Variants in NPAT observed in about 807,000 individuals in gnomAD.
The protein encoded by NPAT is protein NPAT.
Under a neutral mutation model 130.7 loss-of-function variants are expected in NPAT, and 52 were observed. The ratio of observed to expected loss-of-function variants is 0.40; its 90% confidence interval spans 0.32 to 0.50. NPAT has a LOEUF of 0.50. Among genes scored for constraint, NPAT ranks in the 20% least tolerant of loss-of-function variants. The pLI is 0.68. For missense variants in NPAT, 1,687 were observed against 1,662.6 expected, an observed-to-expected ratio of 1.01 and a Z score of -0.26; for synonymous variants, 580 against 584.8, an observed-to-expected ratio of 0.99 and a Z score of 0.12.
chr11:108,189,051 T>C (rs764181720), intron 6 of NPAT, 55 bp downstream of exon 6: 10 of 1,350,604 alleles, frequency 7.4e-6, no homozygotes, highest in Non-Finnish European at 1.1e-5. Context: ...GTATATTATC[T>C]CATTCATACA....
intron 7 of NPAT, 133 bp downstream of exon 7, chr11:108,187,965 T>C (rs751544122): frequency 5.7e-6 from 4 of 702,576 alleles, no homozygotes; most frequent in Non-Finnish European, 1.0e-5. Context: ...CAATGTATTT[T>C]GGAATAGTTC....
rs570378465 is a variant in NPAT, at chr11:108,219,289, G to T, written c.37+3211C>A. 3.4e-4 allele frequency among the ~76,000 whole-genome samples: 52 copies of T among 152,150 alleles called. No homozygotes were observed. In the South Asian group the frequency reaches 9.6e-3, roughly 28 times the overall value. ...CTCCCTCATCAGACAAGTCTTCCAC[G>T]TTCCGCAGTCAAACCAGCCTCTTGA... On this transcript the variant is annotated intron_variant, in intron 1 of 17. Transcript: ENST00000278612.
intron 10 of NPAT, 113 bp downstream of exon 10, chr11:108,185,119 T>C: frequency 1.3e-6 from 1 of 759,842 alleles, no homozygotes; most frequent in Non-Finnish European, 2.3e-6. Context: ...TCTAATTAGA[T>C]GGCAAATCAT....
rs199937285 is a variant in NPAT, at chr11:108,172,722, A to G, written c.2262T>C (p.Thr754=). The change falls in exon 13 of 18, where the codon ACT becomes ACC. Residue 754 remains threonine (T), a synonymous_variant. Transcript: ENST00000278612. ...TACTAGAAACAGCACTGGTAAGTTC[A>G]GTATCTGAGGAAACAAATGGATCAT... ...ISDDPFVSSD[T]ELTSAVSSIN... 1 of 1,613,644 alleles carries G rather than the reference A, an allele frequency of 6.2e-7. No individual in the cohort carries two copies. Among genetic ancestry groups the G allele is most frequent in the Non-Finnish European group, 8.5e-7 (1 of 1,180,034 alleles).
intron 15 of NPAT, among the ~76,000 whole-genome samples, chr11:108,164,723 G>A (rs1199205006): frequency 6.6e-6 from 1 of 151,990 alleles, no homozygotes; most frequent in Non-Finnish European, 1.5e-5. Flanking sequence ...GTAGTGGAAA[G>A]GATCTAGGCC....
rs1461534262 is a variant in NPAT at position 108,158,879 on chromosome 11, C to T, written c.*63G>A. ...TTTCAGATTCTGTCAATATCCCATT[C>T]CCTACACTCAGTTTAAGGGATATGA... is the stretch of plus-strand genomic sequence containing the variant. On this transcript the variant is annotated 3_prime_UTR_variant, in exon 18 of 18. Transcript: ENST00000278612. 2 of 932,916 alleles carry T rather than the reference C, an allele frequency of 2.1e-6. No individual in the cohort carries two copies. Among genetic ancestry groups the T allele is most frequent in the Non-Finnish European group, 3.5e-6 (2 of 568,344 alleles). The allele number at this position is 932,916 out of a possible 1,614,324, so 57.8% of individuals were successfully genotyped here. A position where few individuals can be genotyped will look rare whatever the true frequency, so the allele number is the denominator to read the frequency against.
chr11:108,208,746 GAAC>G (rs961358238), intron 1 of NPAT, among the ~76,000 whole-genome samples: 6 of 152,062 alleles, frequency 3.9e-5, no homozygotes, highest in Non-Finnish European at 8.8e-5. Flanking sequence ...GTAATACATA[GAAC>G]AACTAGGCAG....
rs778112784 is a variant in NPAT, at chr11:108,169,753, G to C, written c.3001C>G (p.Pro1001Ala). ...SQKAQGLRNK[P>A]CIGKQVNNLV... Reference sequence around the variant, plus strand: ...AAATTAAAAATGGTACCTATACAAGGCTTGTTTCTTAGTCCCTGAGCCTTC... The same window carrying C: ...AAATTAAAAATGGTACCTATACAAGCCTTGTTTCTTAGTCCCTGAGCCTTC... Residue 1001 changes from proline to alanine, a missense_variant, in exon 15 of 18, where the codon CCT becomes GCT. This residue lies in a region of NPAT where 1,379 missense variants were observed against 1,346.6 expected (regional missense o/e 1.02). Transcript: ENST00000278612. The C allele has an allele frequency of 1.2e-6, 2 of 1,605,110 alleles. No homozygotes were observed. The highest frequency in any genetic ancestry group is 2.7e-5 in the African/African-American group (2 of 74,760).
intron 1 of NPAT, among the ~76,000 whole-genome samples, chr11:108,214,992 C>T (rs1213317222): frequency 1.3e-5 from 2 of 152,122 alleles, no homozygotes; most frequent in East Asian, 3.9e-4. Flanking sequence ...CCCTAATTTC[C>T]TCTTCAGCCT....
intron 11 of NPAT, 134 bp downstream of exon 11, chr11:108,176,860 T>A: frequency 1.5e-6 from 1 of 656,118 alleles, no homozygotes; most frequent in Non-Finnish European, 2.7e-6. Flanking sequence ...CTTTAACATA[T>A]CCATATAATG....
chr11:108,168,392 A>G (rs1222573041), intron 15 of NPAT, among the ~76,000 whole-genome samples: 2 of 152,216 alleles, frequency 1.3e-5, no homozygotes. Flanking sequence ...GAAAGAACAT[A>G]AAAATAATAT....
chr11:108,174,484 C>G (rs1312035974), intron 12 of NPAT, among the ~76,000 whole-genome samples: 1 of 138,620 alleles, frequency 7.2e-6, no homozygotes, highest in Non-Finnish European at 1.5e-5. Flanking sequence ...CATAAGAAAG[C>G]ATGGTAAAAA....
At position 108,172,685 on chromosome 11, in the gene NPAT, T is replaced by A; in HGVS notation, c.2299A>T (p.Asn767Tyr). The A allele has an allele frequency of 1.2e-6, 2 of 1,613,920 alleles. No homozygotes were observed. Among genetic ancestry groups the A allele is most frequent in the Non-Finnish European group, 1.7e-6 (2 of 1,180,008 alleles). The change falls in exon 13 of 18, where the codon AAC becomes TAC. Residue 767 changes from asparagine to tyrosine, a missense_variant. Around this residue, in one of 3 missense-constraint regions of NPAT, gnomAD observed 1,379 missense variants for 1,346.6 expected, o/e 1.02. Coordinates refer to ENST00000278612, the MANE Select transcript of NPAT (RefSeq NM_002519.3). ...TSAVSSINGE[N>Y]LPTIILSSPT... Reference sequence around the variant, plus strand: ...GAAGACAAGATTATAGTTGGCAGGTTTTCTCCATTAATACTAGAAACAGCA... The same window carrying A: ...GAAGACAAGATTATAGTTGGCAGGTATTCTCCATTAATACTAGAAACAGCA...
chr11:108,186,711 GA>G (rs2078111330), intron 7 of NPAT, 142 bp from the exon 8 acceptor site: 7 of 685,302 alleles, frequency 1.0e-5, no homozygotes, highest in Non-Finnish European at 1.8e-5. Flanking sequence ...CTGGTTTCAG[GA>G]CCCCCAAGGA....
intron 6 of NPAT, 48 bp from the exon 7 acceptor site, chr11:108,188,227 T>A: frequency 7.3e-7 from 1 of 1,375,080 alleles, no homozygotes; most frequent in African/African-American, 1.4e-5. Context: ...CTGAATAGTT[T>A]TCTAAACTTG....
chr11:108,214,752 C>T (rs1321588384), intron 1 of NPAT, among the ~76,000 whole-genome samples: 1 of 151,840 alleles, frequency 6.6e-6, no homozygotes, highest in African/African-American at 2.4e-5. Context: ...CCTGCCTCAG[C>T]CTCCCAAGTA....
Position 108,161,954 on chromosome 11 carries a change from T to G in NPAT, c.3132A>C (p.Thr1044=), listed in dbSNP as rs2077856068. The G allele has an allele frequency of 2.5e-6, 4 of 1,603,800 alleles. No homozygotes were observed. Among genetic ancestry groups the G allele is most frequent in the Non-Finnish European group, 3.4e-6 (4 of 1,175,598 alleles). The part of the protein sequence containing the change: ...TDLGKKSEET[T]VPFPEESIVP... ...CTATACTCTCTTCTGGGAAGGGAACTGTGGTTTCTTCTGATTTTTTCCCAA... is the reference window on the plus strand; with the variant it reads ...CTATACTCTCTTCTGGGAAGGGAACGGTGGTTTCTTCTGATTTTTTCCCAA... Residue 1044 remains threonine (T), a synonymous_variant, in exon 17 of 18, where the codon ACA becomes ACC. Coordinates refer to ENST00000278612, the MANE Select transcript of NPAT (RefSeq NM_002519.3).
At chr11:108,206,913 A>T (rs2078330960) in intron 1 of NPAT, among the ~76,000 whole-genome samples, 1 of 152,124 alleles carries the variant, frequency 6.6e-6, no homozygotes, top group Admixed American at 6.5e-5. Context: ...CTCTCAGTGG[A>T]GAGGATACCC....
chr11:108,189,423 C>A, intron 5 of NPAT, 93 bp from the exon 6 acceptor site: 1 of 993,002 alleles, frequency 1.0e-6, no homozygotes, highest in Non-Finnish European at 1.6e-6. Context: ...TATATAACAA[C>A]GTGTTACATC....
Sources: gnomAD v4.1 joint callset for allele counts (sites outside exome capture counted in the v4.1 genomes callset) on GRCh38, gnomAD v4.1.1 for gene constraint, gnomAD v4.1.1 regional missense constraint, MANE v1.5 for transcripts, NCBI Gene and HGNC (gene_info 2026-07-23, HGNC 2026-07-21) for gene names.